Variants in SSC5D observed in about 807,000 individuals in gnomAD.
SSC5D encodes scavenger receptor cysteine rich family member with 5 domains, also known as soluble scavenger receptor cysteine-rich domain-containing protein SSC5D.
SSC5D carries 106 observed loss-of-function variants against 104.6 expected under a neutral mutation model. The observed-to-expected ratio is 1.01, with a 90% CI of 0.87 to 1.19. The LOEUF is 1.19. SSC5D is among the 50% of genes most tolerant of loss of function. SSC5D has a pLI of 0.00. For missense variants in SSC5D, 1,993 were observed against 2,153.8 expected (o/e 0.93, Z 1.48); for synonymous variants, 860 against 883.5 (o/e 0.97, Z 0.47).
chr19:55,511,511 G>C (rs1237911967), intron 12 of SSC5D, among the ~76,000 whole-genome samples: 1 of 152,196 alleles, frequency 6.6e-6, no homozygotes, highest in African/African-American at 2.4e-5. Context: ...CCTGCGCGTT[G>C]TGGTTGTTCC....
rs778888563 is a variant in SSC5D, at chr19:55,500,628, G to A, written c.2441G>A (p.Gly814Asp). The part of the protein sequence containing the change: ...RDATVACWEL[G>D]CGKVRPRVGK... ...GCCACTGTGGCCTGCTGGGAACTGG[G>A]CTGTGGAAAGGTCCGGCCTCGAGTA... Residue 814 changes from glycine (G) to aspartate (D), a missense_variant, in exon 11 of 14, where the codon GGC (glycine) becomes GAC (aspartate). Around this residue, in one of 6 missense-constraint regions of SSC5D, gnomAD observed 70 missense variants for 107.1 expected, o/e 0.65. Transcript: ENST00000389623. This position sits in a 1 kb window ranked among gnomAD's most constrained non-coding sequence, Gnocchi z 4.6. The A allele has an allele frequency of 1.3e-6, 2 of 1,551,676 alleles. No homozygotes were observed. The highest frequency in any genetic ancestry group is 1.4e-5 in the African/African-American group (1 of 73,056).
In SSC5D at chr19:55,500,660, ACCCATTACGG is replaced by A. The variant is rs1987467646; in HGVS notation, c.2477_2486del (p.His826LeufsTer20). On this transcript the variant is annotated frameshift_variant, in exon 11 of 14. Transcript: ENST00000389623. LOFTEE classifies it high-confidence loss of function. The surrounding 1 kb of genome is among the most constrained non-coding windows in gnomAD (Gnocchi z 4.6). ...AAAGGTCCGGCCTCGAGTAGGCAAA[ACCCATTACGG>A]CCCTGGGACTGGGCCCATCTGGCTG... 5 of 1,551,664 alleles carry A rather than the reference ACCCATTACGG, an allele frequency of 3.2e-6. No homozygotes were observed. Among genetic ancestry groups the A allele is most frequent in the Non-Finnish European group, 4.4e-6 (5 of 1,146,994 alleles).
chr19:55,511,202 G>A (rs926870600), intron 12 of SSC5D, among the ~76,000 whole-genome samples: 5 of 152,184 alleles, frequency 3.3e-5, no homozygotes, highest in Admixed American at 1.3e-4. Flanking sequence ...TTAATAATAC[G>A]AAGGCATGAC....
intron 13 of SSC5D, among the ~76,000 whole-genome samples, chr19:55,514,913 C>T (rs532938270): frequency 2.6e-4 from 40 of 152,280 alleles, no homozygotes; most frequent in Non-Finnish European, 1.5e-4. Flanking sequence ...GTAACTTGGC[C>T]GTGGTCACCC....
chr19:55,490,396 GC>G lies in SSC5D; in HGVS notation c.580del (p.Arg194AlafsTer41), dbSNP rs1289848908. On this transcript the variant is annotated frameshift_variant, in exon 5 of 14. Transcript: ENST00000389623. LOFTEE classifies it high-confidence loss of function. Reference protein sequence around the residue: ...STRAPLLTTGAPRQERLRLVS... With the variant: ...STRAPLLTTGXPRQERLRLVS... ...CCGGGCCCCTCTGCTGACGACAGGA[GC>G]CCCCCGCCAAGGTAAGCTCCCTGCA... The G allele has an allele frequency of 8.4e-6, 12 of 1,422,592 alleles. No individual in the cohort carries two copies. The highest frequency in any genetic ancestry group is 2.9e-5 in the African/African-American group (2 of 68,366). The allele number at this position is 1,422,592 out of a possible 1,614,324, so 88.1% of individuals were successfully genotyped here.
intron 5 of SSC5D, 132 bp from the exon 6 acceptor site, chr19:55,490,640 C>A: frequency 8.9e-7 from 1 of 1,121,050 alleles, no homozygotes; most frequent in Non-Finnish European, 1.2e-6. Flanking sequence ...GGACTCACCT[C>A]TTCACGGGCT....
In SSC5D at chr19:55,496,138, G is replaced by A. The variant is rs562560841; in HGVS notation, c.1387+1355G>A. On this transcript the variant is annotated intron_variant, in intron 8 of 13. Coordinates refer to ENST00000389623, the MANE Select transcript of SSC5D (RefSeq NM_001144950.2). ...TTGAAGAATTTCAGTGGGGCCGGTG[G>A]GGAGGGTGGCGACTCAGAGGGTTGT... Among the ~76,000 whole-genome samples the A allele has an allele frequency of 2.0e-5, 3 of 152,284 alleles. No individual in the cohort carries two copies. In the South Asian group the frequency reaches 6.2e-4, roughly 32 times the overall value.
intron 12 of SSC5D, among the ~76,000 whole-genome samples, chr19:55,507,962 C>T (rs1331036751): frequency 6.6e-6 from 1 of 151,970 alleles, no homozygotes; most frequent in Non-Finnish European, 1.5e-5. Context: ...GTATTCAAGC[C>T]ATATTCTGGG....
rs903023415 is a variant in SSC5D at position 55,501,093 on chromosome 19, C to G, written c.2677C>G (p.Leu893Val). 6.4e-7 allele frequency: 1 copy of G among 1,551,806 alleles called. No homozygotes were observed. The highest frequency in any genetic ancestry group is 8.7e-7 in the Non-Finnish European group (1 of 1,146,986). The change falls in exon 12 of 14, where the codon CTG becomes GTG. Residue 893 changes from leucine to valine, a missense_variant. Leu to Val is a conservative substitution (Grantham distance 32). This residue lies in a region of SSC5D where 423 missense variants were observed against 409.2 expected (regional missense o/e 1.03). Transcript: ENST00000389623. ...WTWDPTSRED[L>V]AKGTTTAGVP... ...CTGGGACCCCACCTCAAGAGAGGAC[C>G]TGGCCAAGGGGACTACCACAGCGGG...
At position 55,518,249 on chromosome 19, in the gene SSC5D, CCCA is replaced by C; in HGVS notation, c.3975_3977del (p.Thr1327del). 1 of 1,536,670 alleles carries C rather than the reference CCCA, an allele frequency of 6.5e-7. No individual in the cohort carries two copies. Among genetic ancestry groups the C allele is most frequent in the African/African-American group, 1.5e-5 (1 of 66,666 alleles). ...TCCTGATCCCACCACGACCCCTCAC[CCCA>C]CAACTCCTGACCCTTCCTCAACCCC... is the stretch of plus-strand genomic sequence containing the variant. On this transcript the variant is annotated inframe_deletion, in exon 14 of 14. Transcript: ENST00000389623.
At chr19:55,517,007 G>A (rs966849328) in intron 13 of SSC5D, among the ~76,000 whole-genome samples, 4 of 152,034 alleles carry the variant, frequency 2.6e-5, no homozygotes, top group African/African-American at 9.7e-5. Flanking sequence ...GAGCATCCCC[G>A]CATCCTCCCG....
At position 55,502,734 on chromosome 19, in the gene SSC5D, C is replaced by T. The variant is rs533167657; in HGVS notation, c.2785+1533C>T. Among the ~76,000 whole-genome samples, 3 of 152,284 alleles carry T rather than the reference C, an allele frequency of 2.0e-5. No homozygotes were observed. The East Asian group carries it at 5.8e-4, about 29-fold the overall frequency. On this transcript the variant is annotated intron_variant, in intron 12 of 13. Transcript: ENST00000389623. ...GCAGTGGTGCGATCTCAGTTCACTG[C>T]AGCCTTGAACTCCCAGGCTCAGGTG...
intron 2 of SSC5D, 137 bp downstream of exon 2, chr19:55,489,169 G>A (rs1384957530): frequency 1.6e-5 from 16 of 978,120 alleles, no homozygotes; most frequent in Non-Finnish European, 2.2e-5. Flanking sequence ...AGCTCCGCAA[G>A]GGAATCCCCC....
rs886952205 is a variant in SSC5D, at chr19:55,493,710, C to T, written c.1011C>T (p.Asp337=). Residue 337 remains aspartate, a synonymous_variant, in exon 7 of 14, where the codon GAC becomes GAT. Transcript: ENST00000389623. ...SVCDDAWDLR[D]AAVACRELGC... ...GTGACGACGCCTGGGACCTGCGAGA[C>T]GCCGCTGTGGCCTGCCGAGAGCTGG... is the stretch of plus-strand genomic sequence containing the variant. 2.0e-5 allele frequency: 31 copies of T among 1,513,782 alleles called. No homozygotes were observed. The highest frequency in any genetic ancestry group is 2.5e-5 in the South Asian group (2 of 80,634). The allele number at this position is 1,513,782 out of a possible 1,614,324, so 93.8% of individuals were successfully genotyped here.
chr19:55,509,982 G>A (rs932102902), intron 12 of SSC5D, among the ~76,000 whole-genome samples: 2 of 151,836 alleles, frequency 1.3e-5, no homozygotes, highest in Non-Finnish European at 2.9e-5. Context: ...AAGGAAGACG[G>A]CTTCAATTTG....
At chr19:55,511,857 C>T (rs1244675734) in intron 12 of SSC5D, among the ~76,000 whole-genome samples, 1 of 151,916 alleles carries the variant, frequency 6.6e-6, no homozygotes, top group Non-Finnish European at 1.5e-5. Flanking sequence ...GTGTGGGGGG[C>T]CAGGGTCTCA....
chr19:55,504,283 G>C, intron 12 of SSC5D: 1 of 1,471,048 alleles, frequency 6.8e-7, no homozygotes, highest in East Asian at 2.6e-5. Context: ...GTAGGGTAGG[G>C]AGGCAGCCAA....
rs1269476986 is a variant in SSC5D, at chr19:55,500,943, C to T, written c.2618-91C>T. The T allele has an allele frequency of 2.0e-6, 3 of 1,529,874 alleles. No individual in the cohort carries two copies. Among genetic ancestry groups the T allele is most frequent in the East Asian group, 4.9e-5 (2 of 40,846 alleles). The allele number at this position is 1,529,874 out of a possible 1,614,324, so 94.8% of individuals were successfully genotyped here. Reference sequence around the variant, plus strand: ...TCGGGGTGGGGAGATCCCAGAGTTGCTCCAGAAGATTCCAAAAGGGGAGGG... The same window carrying T: ...TCGGGGTGGGGAGATCCCAGAGTTGTTCCAGAAGATTCCAAAAGGGGAGGG... On this transcript the variant is annotated intron_variant, in intron 11 of 13. Coordinates refer to ENST00000389623, the MANE Select transcript of SSC5D (RefSeq NM_001144950.2). The surrounding 1 kb of genome is among the most constrained non-coding windows in gnomAD (Gnocchi z 4.6).
chr19:55,502,948 TG>T (rs752542361), intron 12 of SSC5D, among the ~76,000 whole-genome samples: 21 of 152,192 alleles, frequency 1.4e-4, no homozygotes, highest in Non-Finnish European at 2.9e-4. Context: ...CCTGAATAGC[TG>T]GGATTACAGG....
Sources: allele counts gnomAD v4.1 joint callset (sites outside exome capture counted in the v4.1 genomes callset), GRCh38; gene constraint gnomAD v4.1.1; regional missense constraint gnomAD v4.1.1; non-coding constraint Gnocchi (gnomAD v3.1); transcripts MANE v1.5; gene names NCBI Gene and HGNC (gene_info 2026-07-23, HGNC 2026-07-21).